SKAP2: variants seen among roughly 807,000 people sequenced by gnomAD.
SKAP2 encodes src kinase associated phosphoprotein 2, also known as src kinase-associated phosphoprotein 2.
Under a neutral mutation model 54.9 loss-of-function variants are expected in SKAP2, and 28 were observed. That is an observed-to-expected ratio of 0.51 (90% CI 0.38 to 0.70). The LOEUF (loss-of-function observed/expected upper bound fraction) is 0.70. SKAP2 is among the 30% of genes least tolerant of loss of function. The pLI is 0.00. For missense variants in SKAP2, 356 were observed against 424.1 expected, an observed-to-expected ratio of 0.84 and a Z score of 1.41; for synonymous variants, 137 against 134.3, an observed-to-expected ratio of 1.02 and a Z score of -0.14.
intron 4 of SKAP2, among the ~76,000 whole-genome samples, chr7:26,816,649 T>C (rs1000565842): frequency 6.6e-6 from 1 of 152,078 alleles, no homozygotes. Context: ...ATATTAGTAA[T>C]TACACTAAGA....
chr7:26,755,646 C>G (rs529611296), intron 4 of SKAP2, among the ~76,000 whole-genome samples: 2 of 152,156 alleles, frequency 1.3e-5, no homozygotes, highest in Admixed American at 6.6e-5. Flanking sequence ...CCATAACTGT[C>G]TTCTCTTCAC....
intron 5 of SKAP2, 115 bp downstream of exon 5, chr7:26,739,772 A>G (rs1782390121): frequency 2.9e-6 from 2 of 686,350 alleles, no homozygotes; most frequent in Admixed American, 3.2e-5. Context: ...TTTTCTTACA[A>G]TCTTTAAACT....
intron 4 of SKAP2, among the ~76,000 whole-genome samples, chr7:26,825,330 T>G (rs1784467075): frequency 6.6e-6 from 1 of 152,152 alleles, no homozygotes; most frequent in African/African-American, 2.4e-5. Flanking sequence ...GTATCTTCGC[T>G]AACTGCCTCA....
Position 26,748,411 on chromosome 7 carries a change from G to T in SKAP2, c.308-8447C>A, listed in dbSNP as rs1782604263. ...ACTGAATCAATCATTTAAAAGTAAG[G>T]TTTTACTTTAGAGACAAGACTACTA... On this transcript the variant is annotated intron_variant, in intron 4 of 12. Transcript: ENST00000345317. Among the ~76,000 whole-genome samples, 2 of 151,906 alleles carry T rather than the reference G, an allele frequency of 1.3e-5. 1 individual carries two copies. The highest frequency in any genetic ancestry group is 1.3e-4 in the Admixed American group (2 of 15,236).
intron 11 of SKAP2, among the ~76,000 whole-genome samples, chr7:26,683,239 C>A (rs1786545129): frequency 6.6e-6 from 1 of 152,172 alleles, no homozygotes; most frequent in Admixed American, 6.6e-5. Flanking sequence ...AGTTTGATTT[C>A]TTTATTAAGT....
intron 9 of SKAP2, among the ~76,000 whole-genome samples, chr7:26,700,797 G>A (rs1221409957): frequency 6.6e-6 from 1 of 152,188 alleles, no homozygotes; most frequent in Non-Finnish European, 1.5e-5. Context: ...TGTTTTTGAA[G>A]TTTATAATAC....
At chr7:26,761,682 T>C (rs1344227997) in intron 4 of SKAP2, among the ~76,000 whole-genome samples, 1 of 152,158 alleles carries the variant, frequency 6.6e-6, no homozygotes, top group African/African-American at 2.4e-5. Flanking sequence ...TCGGACTGCC[T>C]GAGCTCAGGC....
chr7:26,864,179 A>T (rs1584433872), intron 1 of SKAP2, among the ~76,000 whole-genome samples, 184 bp downstream of exon 1: 1 of 151,458 alleles, frequency 6.6e-6, no homozygotes, highest in African/African-American at 2.4e-5. Context: ...TTCAACACAC[A>T]CGTCCACTCC....
At position 26,783,543 on chromosome 7, in the gene SKAP2, C is replaced by CT. The variant is rs533342448; in HGVS notation, c.308-43580dup. Among the ~76,000 whole-genome samples the CT allele has an allele frequency of 2.6e-5, 4 of 152,220 alleles. No individual in the cohort carries two copies. The South Asian group carries it at 8.3e-4, about 32-fold the overall frequency. On this transcript the variant is annotated intron_variant, in intron 4 of 12. Coordinates refer to ENST00000345317, the MANE Select transcript of SKAP2 (RefSeq NM_003930.5). ...CTCATACTCATCCTTTAAGAGTGAG[C>CT]TTAAGTACCATATCTTCCAGGATGC...
At chr7:26,836,567 G>A (rs547023714) in intron 4 of SKAP2, among the ~76,000 whole-genome samples, 14 of 152,058 alleles carry the variant, frequency 9.2e-5, no homozygotes, top group Non-Finnish European at 1.9e-4. Flanking sequence ...ACATTTATGC[G>A]GCCAAAAACA....
intron 6 of SKAP2, among the ~76,000 whole-genome samples, chr7:26,733,048 T>C (rs2127958715): frequency 6.6e-6 from 1 of 152,190 alleles, no homozygotes; most frequent in African/African-American, 2.4e-5. Context: ...GAAGAATCGC[T>C]TGAACCCGGG....
intron 4 of SKAP2, among the ~76,000 whole-genome samples, chr7:26,790,934 G>A (rs898306275): frequency 3.3e-5 from 5 of 151,996 alleles, no homozygotes; most frequent in Non-Finnish European, 4.4e-5. Context: ...AAAAACTGTC[G>A]ATATTTTTAA....
In SKAP2 at chr7:26,844,156, AT is replaced by A; in HGVS notation, c.200-20del. ...GCATCACCTGTTAAAAAAAAAAAAA[AT>A]CAGAGAACTGCCTTTTATACTTTAG... On this transcript the variant is annotated intron_variant, in intron 3 of 12. Transcript: ENST00000345317. 5 of 1,379,954 alleles carry A rather than the reference AT, an allele frequency of 3.6e-6. No individual in the cohort carries two copies. The highest frequency in any genetic ancestry group is 5.1e-6 in the Non-Finnish European group (5 of 972,944). 85.5% of individuals were successfully genotyped at this position (1,379,954 alleles called of 1,614,324 possible).
intron 4 of SKAP2, among the ~76,000 whole-genome samples, chr7:26,820,538 T>C (rs1172850988): frequency 6.6e-6 from 1 of 152,190 alleles, no homozygotes; most frequent in Non-Finnish European, 1.5e-5. Flanking sequence ...AATTCTCATA[T>C]GCTATTGTTT....
chr7:26,670,047 G>T, intron 12 of SKAP2, 44 bp downstream of exon 12: 1 of 817,358 alleles, frequency 1.2e-6, no homozygotes, highest in Non-Finnish European at 2.2e-6. Flanking sequence ...GAGACCAAGA[G>T]AACATATGAG....
intron 9 of SKAP2, among the ~76,000 whole-genome samples, chr7:26,690,800 G>A (rs566643899): frequency 6.6e-6 from 1 of 152,288 alleles, no homozygotes; most frequent in South Asian, 2.1e-4. Flanking sequence ...GTACTGTGTG[G>A]CAGGAGTATC....
intron 9 of SKAP2, among the ~76,000 whole-genome samples, chr7:26,705,259 T>A (rs931164471): frequency 6.6e-6 from 1 of 152,346 alleles, no homozygotes; most frequent in African/African-American, 2.4e-5. Flanking sequence ...TTAAAATAAA[T>A]GTTATGCCAT....
chr7:26,690,685 T>C (rs1039916905), intron 9 of SKAP2, among the ~76,000 whole-genome samples: 6 of 150,732 alleles, frequency 4.0e-5, no homozygotes, highest in Non-Finnish European at 2.9e-5. Context: ...GCACTGCATG[T>C]TTTGTTTTAA....
chr7:26,726,366 C>G (rs1042401599), intron 7 of SKAP2, among the ~76,000 whole-genome samples: 4 of 152,156 alleles, frequency 2.6e-5, no homozygotes, highest in Non-Finnish European at 5.9e-5. Context: ...TACCTGACAA[C>G]TTAATTAACT....
Sources: gnomAD v4.1 joint callset for allele counts (sites outside exome capture counted in the v4.1 genomes callset) on GRCh38, gnomAD v4.1.1 for gene constraint, MANE v1.5 for transcripts, NCBI Gene and HGNC (gene_info 2026-07-23, HGNC 2026-07-21) for gene names.